MPDZ: variants seen among roughly 807,000 people sequenced by gnomAD.
MPDZ encodes multiple PDZ domain protein.
MPDZ carries 234 observed loss-of-function variants against 239.1 expected under a neutral mutation model. The ratio of observed to expected loss-of-function variants is 0.98; its 90% CI spans 0.88 to 1.09. The LOEUF (loss-of-function observed/expected upper bound fraction) is 1.09, where lower values mean the gene tolerates loss of function less well. Ranked by LOEUF, MPDZ falls within the 50% of genes least tolerant of loss-of-function variation. The probability of loss-of-function intolerance (pLI) is 0.00; values close to 1 mark genes in which losing one functional copy is unlikely to be tolerated. For synonymous variants in MPDZ, 1,048 were observed against 881.3 expected (o/e 1.19, Z -3.35); for missense variants, 3,175 against 2,510.0 (o/e 1.26, Z -5.66).
chr9:13,154,554 T>C (rs1949596371), intron 24 of MPDZ, among the ~76,000 whole-genome samples: 1 of 151,734 alleles, frequency 6.6e-6, no homozygotes, highest in Non-Finnish European at 1.5e-5. Flanking sequence ...CCAACAAGAG[T>C]CTCTACACAG....
At chr9:13,113,405 T>C (rs1323083551) in intron 41 of MPDZ, among the ~76,000 whole-genome samples, 2 of 152,144 alleles carry the variant, frequency 1.3e-5, no homozygotes, top group African/African-American at 4.8e-5. Context: ...AATTCACAAA[T>C]TTAAGTGCCT....
At chr9:13,232,009 G>GA (rs1203086749) in intron 3 of MPDZ, among the ~76,000 whole-genome samples, 1 of 151,510 alleles carries the variant, frequency 6.6e-6, no homozygotes, top group South Asian at 2.1e-4. Context: ...AAAGATGGGA[G>GA]AAAAAAAATA....
At chr9:13,139,904 C>G in intron 28 of MPDZ, 83 bp downstream of exon 28, 2 of 1,522,480 alleles carry the variant, frequency 1.3e-6, no homozygotes, top group Non-Finnish European at 1.8e-6. Context: ...AACATACTTA[C>G]TTATCCAGGG....
intron 38 of MPDZ, among the ~76,000 whole-genome samples, chr9:13,121,236 CACTT>C (rs1449047196): frequency 6.6e-6 from 1 of 152,146 alleles, no homozygotes; most frequent in Non-Finnish European, 1.5e-5. Context: ...AACCAATACT[CACTT>C]ATCACTTTTA....
chr9:13,260,526 G>T (rs2138676752), intron 1 of MPDZ, among the ~76,000 whole-genome samples: 1 of 152,284 alleles, frequency 6.6e-6, no homozygotes, highest in East Asian at 1.9e-4. Flanking sequence ...TGTTGCTATG[G>T]AATGAACTGT....
chr9:13,240,235 G>C (rs557135410), intron 3 of MPDZ, among the ~76,000 whole-genome samples: 1 of 152,018 alleles, frequency 6.6e-6, no homozygotes, highest in African/African-American at 2.4e-5. Context: ...TTACAGAGAA[G>C]TATAATTATA....
intron 1 of MPDZ, among the ~76,000 whole-genome samples, chr9:13,270,559 T>A (rs1374751696): frequency 6.6e-6 from 1 of 152,026 alleles, no homozygotes; most frequent in African/African-American, 2.4e-5. Flanking sequence ...GGAGAGCTTT[T>A]TTTTTTTTTT....
chr9:13,114,206 T>C (rs1251779311), intron 40 of MPDZ, among the ~76,000 whole-genome samples, 185 bp from the exon 41 acceptor site: 3 of 152,204 alleles, frequency 2.0e-5, no homozygotes. Flanking sequence ...ATGTGTCTAG[T>C]GACATAAATA....
chr9:13,146,146 A>ATT (rs1948404733), intron 26 of MPDZ, among the ~76,000 whole-genome samples: 1 of 152,072 alleles, frequency 6.6e-6, no homozygotes, highest in African/African-American at 2.4e-5. Flanking sequence ...ATTATTACCT[A>ATT]ACAATAAACA....
chr9:13,251,423 T>G (rs1413941630), intron 1 of MPDZ, among the ~76,000 whole-genome samples: 1 of 152,188 alleles, frequency 6.6e-6, no homozygotes, highest in Non-Finnish European at 1.5e-5. Context: ...TCTGCATTGC[T>G]AACATCCACG....
At chr9:13,227,259 G>C (rs961000699) in intron 3 of MPDZ, among the ~76,000 whole-genome samples, 4 of 152,052 alleles carry the variant, frequency 2.6e-5, no homozygotes, top group African/African-American at 9.7e-5. Flanking sequence ...AGATGAAAAA[G>C]AGATCAATGT....
chr9:13,160,465 A>G (rs1031266069), intron 23 of MPDZ, among the ~76,000 whole-genome samples: 4 of 152,062 alleles, frequency 2.6e-5, no homozygotes, highest in African/African-American at 9.7e-5. Context: ...TTTCTTTCTA[A>G]TAACTTTTGA....
chr9:13,209,199 A>G (rs1238080346), intron 10 of MPDZ, among the ~76,000 whole-genome samples: 1 of 152,202 alleles, frequency 6.6e-6, no homozygotes, highest in Admixed American at 6.5e-5. Context: ...CACACCAAGT[A>G]CTAAAGGCCA....
At chr9:13,115,858 T>C (rs2131342050) in intron 39 of MPDZ, among the ~76,000 whole-genome samples, 1 of 143,658 alleles carries the variant, frequency 7.0e-6, no homozygotes, top group Non-Finnish European at 1.5e-5. Context: ...GGCAGAAGAA[T>C]GGCGTGAACC....
intron 19 of MPDZ, among the ~76,000 whole-genome samples, chr9:13,177,490 G>C (rs1225354489): frequency 1.3e-5 from 2 of 152,028 alleles, no homozygotes; most frequent in African/African-American, 4.8e-5. Flanking sequence ...CATACAAGCA[G>C]ATATACATAT....
intron 17 of MPDZ, among the ~76,000 whole-genome samples, chr9:13,187,311 T>G (rs1954249918): frequency 6.6e-6 from 1 of 151,964 alleles, no homozygotes; most frequent in African/African-American, 2.4e-5. Flanking sequence ...AAAAAAAGAC[T>G]GCTTCTGAAT....
intron 18 of MPDZ, among the ~76,000 whole-genome samples, chr9:13,184,846 C>G (rs942797265): frequency 6.6e-6 from 1 of 151,800 alleles, no homozygotes; most frequent in African/African-American, 2.4e-5. Context: ...ATTGAGTGAC[C>G]AGTCCAAGAT....
rs772354455 is a variant in MPDZ at position 13,190,311 on chromosome 9, C to T, written c.1969-12G>A. The T allele has an allele frequency of 5.9e-6, 9 of 1,517,342 alleles. No homozygotes were observed. Among genetic ancestry groups the T allele is most frequent in the Non-Finnish European group, 7.9e-6 (9 of 1,133,962 alleles). 94.0% of individuals were successfully genotyped at this position (1,517,342 alleles called of 1,614,324 possible). A position where few individuals can be genotyped will look rare whatever the true frequency, so the allele number is the denominator to read the frequency against. ...AGATCTACGTGAGGCTGGATAATAT[C>T]AGACAGCTCTTATTTCAGAGGCATT... On this transcript the variant is annotated splice_polypyrimidine_tract_variant and intron_variant, in intron 15 of 46. Coordinates refer to ENST00000319217, the MANE Select transcript of MPDZ (RefSeq NM_001378778.1).
chr9:13,186,968 CCA>C (rs1954194724), intron 17 of MPDZ, among the ~76,000 whole-genome samples: 1 of 152,040 alleles, frequency 6.6e-6, no homozygotes, highest in South Asian at 2.1e-4. Context: ...CTCTACATAT[CCA>C]CAGTCTGCTT....
Sources: allele counts gnomAD v4.1 joint callset (sites outside exome capture counted in the v4.1 genomes callset), GRCh38; gene constraint gnomAD v4.1.1; transcripts MANE v1.5; gene names NCBI Gene and HGNC (gene_info 2026-07-23, HGNC 2026-07-21).